The following ARAP2 variants were observed in gnomAD, a reference collection of about 807,000 sequenced individuals.
ARAP2 encodes the protein arf-GAP with Rho-GAP domain, ANK repeat and PH domain-containing protein 2.
A neutral mutation model predicts 194.5 loss-of-function variants in ARAP2; 148 were observed. The ratio of observed to expected loss-of-function variants is 0.76; its 90% CI spans 0.67 to 0.87. The LOEUF is 0.87. ARAP2 is among the 40% of genes least tolerant of loss of function. ARAP2 has a pLI of 0.00. For synonymous variants in ARAP2, 695 were observed against 683.5 expected (o/e 1.02, Z -0.26); for missense variants, 2,128 against 1,989.7 (o/e 1.07, Z -1.32).
chr4:36,206,878 G>T (rs1258105544), intron 6 of ARAP2, among the ~76,000 whole-genome samples: 1 of 152,090 alleles, frequency 6.6e-6, no homozygotes, highest in Non-Finnish European at 1.5e-5. Flanking sequence ...TTTAAAAAAA[G>T]AGGAATTTCC....
intron 8 of ARAP2, among the ~76,000 whole-genome samples, chr4:36,187,127 T>A (rs1740746318): frequency 1.3e-5 from 2 of 152,224 alleles, no homozygotes; most frequent in Admixed American, 1.3e-4. Flanking sequence ...AATAACTATT[T>A]TGCATTATCA....
At chr4:36,108,896 G>A (rs536579807) in intron 26 of ARAP2, among the ~76,000 whole-genome samples, 7 of 152,088 alleles carry the variant, frequency 4.6e-5, no homozygotes, top group Admixed American at 2.0e-4. Context: ...TAGTGTTGTA[G>A]CCATGTAAAA....
rs554177829 is a variant in ARAP2 at position 36,120,281 on chromosome 4, G to A, written c.3895-563C>T. Reference sequence around the variant, plus strand: ...AAAGAAGTAAAGAGGAGATCAAAGAGCAAAGAAAATCCCACAATCTGGTGT... The same window carrying A: ...AAAGAAGTAAAGAGGAGATCAAAGAACAAAGAAAATCCCACAATCTGGTGT... On this transcript the variant is annotated intron_variant, in intron 23 of 32. Coordinates refer to ENST00000303965, the MANE Select transcript of ARAP2 (RefSeq NM_015230.4). 8.6e-5 allele frequency among the ~76,000 whole-genome samples: 13 copies of A among 151,658 alleles called. No individual in the cohort carries two copies. The South Asian group carries it at 1.9e-3, about 22-fold the overall frequency.
At chr4:36,123,247 T>C (rs1006895229) in intron 22 of ARAP2, among the ~76,000 whole-genome samples, 1 of 151,802 alleles carries the variant, frequency 6.6e-6, no homozygotes, top group African/African-American at 2.4e-5. Flanking sequence ...AATTACATTG[T>C]GGTGCATGAT....
chr4:36,037,560 T>C (rs896416871), intron 5 of ARAP2, among the ~76,000 whole-genome samples: 1 of 152,128 alleles, frequency 6.6e-6, no homozygotes, highest in Admixed American at 6.5e-5. Flanking sequence ...TCTATCAAAA[T>C]TGTTTTGATA....
rs1259915592 is a variant in ARAP2, at chr4:36,066,667, A to T, written c.*1240T>A. 6.6e-6 allele frequency: 1 copy of T among 152,178 alleles called. No homozygotes were observed. Among genetic ancestry groups the T allele is most frequent in the Non-Finnish European group, 1.5e-5 (1 of 68,026 alleles). The allele number at this position is 152,178 out of a possible 1,614,324, so 9.4% of individuals were successfully genotyped here. ...ATGGAAAAATGCTTCCCCTAACATG[A>T]ACTATGGTTAGATAGCATTGTCTGT... is the stretch of plus-strand genomic sequence containing the variant. On this transcript the variant is annotated 3_prime_UTR_variant, in exon 33 of 33. Transcript: ENST00000303965.
At chr4:36,120,669 C>T (rs1722462427) in intron 23 of ARAP2, among the ~76,000 whole-genome samples, 1 of 151,566 alleles carries the variant, frequency 6.6e-6, no homozygotes, top group Admixed American at 6.6e-5. Flanking sequence ...TCTGATGAAA[C>T]ATGAAAATAT....
intron 1 of ARAP2, among the ~76,000 whole-genome samples, chr4:36,240,028 C>T (rs1470986746): frequency 6.6e-6 from 1 of 152,154 alleles, no homozygotes; most frequent in East Asian, 1.9e-4. Context: ...TCCAGGCTTC[C>T]CCACTTTTTA....
chr4:36,057,626 A>ATGCTATAAAACCCATTTGT (rs1358241997), intron 2 of ARAP2, among the ~76,000 whole-genome samples: 29 of 152,082 alleles, frequency 1.9e-4, no homozygotes, highest in Non-Finnish European at 3.1e-4. Context: ...CATGTCAATT[A>ATGCTATAAAACCCATTTGT]TGCTATAAAA....
At chr4:36,083,480 A>G (rs1730093738) in intron 28 of ARAP2, 30 bp from the exon 29 acceptor site, 1 of 1,436,882 alleles carries the variant, frequency 7.0e-7, no homozygotes. Flanking sequence ...TTTGTAATTA[A>G]ATGGATTTAC....
intron 24 of ARAP2, among the ~76,000 whole-genome samples, chr4:36,118,349 A>G (rs1721892490): frequency 6.6e-6 from 1 of 151,110 alleles, no homozygotes; most frequent in Non-Finnish European, 1.5e-5. Context: ...GAAATAAAAA[A>G]GAAGAATAGG....
In ARAP2 at chr4:36,147,316, TA is replaced by T; in HGVS notation, c.3242del (p.Leu1081TyrfsTer4). ...CTTACCTCCCTTTTTCTACCAAGAG[TA>T]AAACATCCAGTTTTTCCCCATTTTG... ...MVQNGEKLDV[L>X]LLVEKGRTLY... On this transcript the variant is annotated frameshift_variant, in exon 19 of 33. Coordinates refer to ENST00000303965, the MANE Select transcript of ARAP2 (RefSeq NM_015230.4). LOFTEE classifies it high-confidence loss of function. 6.2e-7 allele frequency: 1 copy of T among 1,612,832 alleles called. No individual in the cohort carries two copies. Among genetic ancestry groups the T allele is most frequent in the Non-Finnish European group, 8.5e-7 (1 of 1,179,160 alleles).
In ARAP2 at chr4:36,041,221, C is replaced by T. The variant is rs377656100; in HGVS notation, n.607+4758G>A. 5.9e-5 allele frequency among the ~76,000 whole-genome samples: 9 copies of T among 152,172 alleles called. No individual in the cohort carries two copies. The East Asian group carries it at 1.7e-3, about 29-fold the overall frequency. ...GCTTCTGCACAGCAAATGAAACTAT[C>T]AACAGAATGAATAGACAACCTACCT... On this transcript the variant is annotated intron_variant and non_coding_transcript_variant, in intron 5 of 12. Coordinates refer to the ARAP2 transcript ENST00000503225.
At chr4:36,239,417 T>C (rs1753075872) in intron 1 of ARAP2, among the ~76,000 whole-genome samples, 1 of 150,468 alleles carries the variant, frequency 6.6e-6, no homozygotes, top group Non-Finnish European at 1.5e-5. Flanking sequence ...AAATAAAGTG[T>C]GGTATATACA....
intron 8 of ARAP2, among the ~76,000 whole-genome samples, chr4:36,014,828 T>C (rs1055829004): frequency 2.0e-5 from 3 of 152,136 alleles, no homozygotes; most frequent in African/African-American, 7.2e-5. Context: ...ATGGAATTAG[T>C]ATCTTTGTAA....
chr4:36,150,083 A>C (rs1279320403), intron 16 of ARAP2, among the ~76,000 whole-genome samples: 2 of 152,228 alleles, frequency 1.3e-5, no homozygotes, highest in Non-Finnish European at 2.9e-5. Context: ...CAAATATATT[A>C]CATAAATAAT....
chr4:36,197,400 T>C (rs560613511), intron 6 of ARAP2, among the ~76,000 whole-genome samples: 16 of 152,364 alleles, frequency 1.1e-4, no homozygotes, highest in African/African-American at 3.6e-4. Context: ...TAAACACTAC[T>C]GAAAAACTTC....
intron 16 of ARAP2, 35 bp downstream of exon 16, chr4:36,150,865 C>T (rs762104727): frequency 1.3e-5 from 21 of 1,587,702 alleles, no homozygotes; most frequent in Admixed American, 3.6e-5. Flanking sequence ...TCTGAAAATA[C>T]CTTTTACCTC....
chr4:36,158,664 C>G (rs1420805172), intron 15 of ARAP2, 66 bp downstream of exon 15: 3 of 1,359,030 alleles, frequency 2.2e-6, no homozygotes, highest in Non-Finnish European at 3.0e-6. Context: ...AAAATCTAAA[C>G]CTAATTGTTT....
Sources: allele counts gnomAD v4.1 joint callset (sites outside exome capture counted in the v4.1 genomes callset), GRCh38; gene constraint gnomAD v4.1.1; transcripts MANE v1.5; gene names NCBI Gene and HGNC (gene_info 2026-07-23, HGNC 2026-07-21).